TACC2: variants seen among roughly 807,000 people sequenced by gnomAD.
TACC2 encodes transforming acidic coiled-coil-containing protein 2.
A neutral mutation model predicts 227.3 loss-of-function variants in TACC2; 137 were observed. The ratio of observed to expected loss-of-function variants is 0.60; its 90% CI spans 0.52 to 0.69. The LOEUF (loss-of-function observed/expected upper bound fraction) is 0.69, where lower values mean the gene tolerates loss of function less well. Ranked by LOEUF, TACC2 falls within the 30% of genes least tolerant of loss-of-function variation. The pLI is 0.00. For missense variants in TACC2, 3,470 were observed against 3,694.4 expected (o/e 0.94, Z 1.57); for synonymous variants, 1,523 against 1,487.5 (o/e 1.02, Z -0.55).
intron 1 of TACC2, among the ~76,000 whole-genome samples, chr10:122,005,466 GCTCCA>G (rs1954970352): frequency 6.8e-6 from 1 of 147,704 alleles, no homozygotes; most frequent in Admixed American, 6.9e-5. Flanking sequence ...CTCACTGCAA[GCTCCA>G]CCTCCTGGGT....
chr10:122,218,412 C>T (rs191406822), intron 11 of TACC2, among the ~76,000 whole-genome samples: 27 of 151,784 alleles, frequency 1.8e-4, no homozygotes, highest in African/African-American at 5.8e-4. Context: ...AGATTTTAAT[C>T]GTAACTCAAA....
chr10:122,051,337 C>T (rs1025029516), intron 3 of TACC2: 1 of 152,268 alleles, frequency 6.6e-6, no homozygotes, highest in African/African-American at 2.4e-5. Flanking sequence ...AGGTGTGAGC[C>T]ACCATGCCTG....
intron 5 of TACC2, among the ~76,000 whole-genome samples, chr10:122,124,140 T>G (rs2086376749): frequency 1.3e-5 from 2 of 152,180 alleles, no homozygotes; most frequent in Non-Finnish European, 2.9e-5. Context: ...CATAAATCAG[T>G]AATAATACCG....
chr10:122,097,018 T>C (rs1488522715), intron 5 of TACC2, among the ~76,000 whole-genome samples: 1 of 151,934 alleles, frequency 6.6e-6, no homozygotes, highest in Non-Finnish European at 1.5e-5. Context: ...TGGCCGAGGG[T>C]GTTTAGGAAT....
In TACC2 at chr10:122,087,080, A is replaced by G. The variant is rs775121013; in HGVS notation, c.4580A>G (p.Glu1527Gly). ...GCAGGTGTCCCACCCACACTGAGGG[A>G]AGACGAGAGGCCAGAGGGGCCTGGG... ...EMAGVPPTLR[E>G]DERPEGPGAA... The change falls in exon 4 of 23, where the codon GAA (glutamate) becomes GGA (glycine). Residue 1527 changes from glutamate to glycine, a missense_variant. Glu to Gly is a moderately conservative substitution (Grantham distance 98). Around this residue, in one of 10 missense-constraint regions of TACC2, gnomAD observed 1,924 missense variants for 1,978.3 expected, o/e 0.97. Transcript: ENST00000369005. 3 of 1,612,302 alleles carry G rather than the reference A, an allele frequency of 1.9e-6. No homozygotes were observed. The highest frequency in any genetic ancestry group is 2.5e-6 in the Non-Finnish European group (3 of 1,179,306).
At position 122,216,620 on chromosome 10, in the gene TACC2, T is replaced by G; in HGVS notation, c.7345-7T>G. 1.2e-6 allele frequency: 2 copies of G among 1,612,282 alleles called. No individual in the cohort carries two copies. The highest frequency in any genetic ancestry group is 1.7e-6 in the Non-Finnish European group (2 of 1,179,170). ...GAGACAAGAAACAGTTTCTCTTCTC[T>G]TTGCAGGACCCCACCCCAGCTGCTA... is the stretch of plus-strand genomic sequence containing the variant. On this transcript the variant is annotated splice_polypyrimidine_tract_variant and splice_region_variant and intron_variant, in intron 10 of 22. Coordinates refer to ENST00000369005, the MANE Select transcript of TACC2 (RefSeq NM_206862.4).
intron 4 of TACC2, 101 bp from the exon 5 acceptor site, chr10:122,088,377 C>A: frequency 2.6e-6 from 3 of 1,157,254 alleles, no homozygotes; most frequent in Non-Finnish European, 2.4e-6. Flanking sequence ...GTAGTAGCCA[C>A]TTAAAACTTT....
At chr10:122,165,735 A>C (rs2093123217) in intron 7 of TACC2, among the ~76,000 whole-genome samples, 1 of 152,202 alleles carries the variant, frequency 6.6e-6, no homozygotes, top group Non-Finnish European at 1.5e-5. Context: ...CTCTAAATAT[A>C]GATCTTTACG....
chr10:122,124,742 T>A (rs79666333), intron 5 of TACC2, among the ~76,000 whole-genome samples: 1 of 152,246 alleles, frequency 6.6e-6, no homozygotes, highest in African/African-American at 2.4e-5. Context: ...TACAGAAAAG[T>A]TGTAAGAATA....
chr10:122,132,372 C>T (rs1162633990), intron 5 of TACC2, among the ~76,000 whole-genome samples: 2 of 152,188 alleles, frequency 1.3e-5, no homozygotes, highest in Non-Finnish European at 2.9e-5. Context: ...ATGGTGAAAC[C>T]CGATCTCTAC....
At position 122,210,377 on chromosome 10, in the gene TACC2, C is replaced by A; in HGVS notation, c.5972-20C>A. On this transcript the variant is annotated intron_variant, in intron 8 of 22. Transcript: ENST00000369005. The surrounding 1 kb of genome is among the most constrained non-coding windows in gnomAD (Gnocchi z 4.6). Reference sequence around the variant, plus strand: ...TGCGTCCTGTGTCTGTAATTGATGGCGTTGTCTGTGTTTCCCCAGGATGTG... The same window carrying A: ...TGCGTCCTGTGTCTGTAATTGATGGAGTTGTCTGTGTTTCCCCAGGATGTG... The A allele has an allele frequency of 6.3e-7, 1 of 1,580,882 alleles. No homozygotes were observed. The highest frequency in any genetic ancestry group is 8.7e-7 in the Non-Finnish European group (1 of 1,149,882).
At chr10:122,219,813 A>T (rs2095488203) in intron 11 of TACC2, among the ~76,000 whole-genome samples, 1 of 152,094 alleles carries the variant, frequency 6.6e-6, no homozygotes, top group Non-Finnish European at 1.5e-5. Context: ...TGAGGCAGGC[A>T]GATCACTTGA....
intron 1 of TACC2, among the ~76,000 whole-genome samples, chr10:122,007,247 G>A (rs928512775): frequency 6.6e-6 from 1 of 152,000 alleles, no homozygotes; most frequent in Admixed American, 6.6e-5. Flanking sequence ...ATTTATTTCT[G>A]AGATAATTTT....
chr10:122,210,881 G>A lies in TACC2; in HGVS notation c.6456G>A (p.Glu2152=), dbSNP rs780787166. 2 of 1,613,272 alleles carry A rather than the reference G, an allele frequency of 1.2e-6. No homozygotes were observed. The highest frequency in any genetic ancestry group is 2.7e-5 in the African/African-American group (2 of 74,692). ...CCACAGAGACCCCCCCAGTGAAGGA[G>A]ACGCAACAGGAGCCAGATGAAGAGA... ...KKPTETPPVK[E]TQQEPDEESL... is the part of the protein sequence containing the mutation. Residue 2152 remains glutamate (E), a synonymous_variant, in exon 9 of 23, where the codon GAG becomes GAA. Transcript: ENST00000369005. This position sits in a 1 kb window ranked among gnomAD's most constrained non-coding sequence, Gnocchi z 4.6.
At chr10:122,114,307 T>C (rs1238499315) in intron 5 of TACC2, among the ~76,000 whole-genome samples, 1 of 152,258 alleles carries the variant, frequency 6.6e-6, no homozygotes, top group African/African-American at 2.4e-5. Flanking sequence ...TTCCATGATA[T>C]CTGGAAATGA....
intron 19 of TACC2, among the ~76,000 whole-genome samples, chr10:122,242,320 G>C (rs1056341974): frequency 1.3e-5 from 2 of 152,174 alleles, no homozygotes; most frequent in Admixed American, 1.3e-4. Flanking sequence ...ATATTTGGGG[G>C]ATTTTTTCTT....
At chr10:122,167,793 G>A (rs921645578) in intron 7 of TACC2, among the ~76,000 whole-genome samples, 2 of 152,244 alleles carry the variant, frequency 1.3e-5, no homozygotes, top group Non-Finnish European at 1.5e-5. Context: ...CCCTATGCCT[G>A]AAATTGCCAG....
intron 3 of TACC2, among the ~76,000 whole-genome samples, chr10:122,055,630 A>T (rs1466576505): frequency 6.6e-6 from 1 of 152,242 alleles, no homozygotes; most frequent in African/African-American, 2.4e-5. Flanking sequence ...TACCTGGGTG[A>T]TGAAATAATC....
At chr10:122,132,077 A>AGGAAGGAAGGAAGGAAGGAAGGAG (rs2088357407) in intron 5 of TACC2, among the ~76,000 whole-genome samples, 1 of 118,472 alleles carries the variant, frequency 8.4e-6, no homozygotes, top group African/African-American at 3.8e-5. Flanking sequence ...AAAGAAAGAA[A>AGGAAGGAAGGAAGGAAGGAAGGAG]GAAAGAGAAA....
Sources: gnomAD v4.1 joint callset for allele counts (sites outside exome capture counted in the v4.1 genomes callset) on GRCh38, gnomAD v4.1.1 for gene constraint, gnomAD v4.1.1 regional missense constraint, Gnocchi (gnomAD v3.1) non-coding constraint, MANE v1.5 for transcripts, NCBI Gene and HGNC (gene_info 2026-07-23, HGNC 2026-07-21) for gene names.